The following TYW1B variants were observed in gnomAD, a reference collection of about 807,000 sequenced individuals.
The protein encoded by TYW1B is S-adenosyl-L-methionine-dependent tRNA 4-demethylwyosine synthase TYW1B.
In TYW1B, 73 loss-of-function variants were observed where a neutral mutation model predicts 86.9. That is an observed-to-expected ratio of 0.84 (90% CI 0.70 to 1.02). TYW1B has a LOEUF of 1.02. Ranked by LOEUF, TYW1B falls within the 50% of genes least tolerant of loss-of-function variation. TYW1B has a pLI of 0.00. For synonymous variants in TYW1B, 248 were observed against 292.8 expected, an observed-to-expected ratio of 0.85 and a Z score of 1.56; for missense variants, 637 against 827.4, an observed-to-expected ratio of 0.77 and a Z score of 2.82.
At chr7:72,752,157 A>G (rs782613355) in intron 7 of TYW1B, among the ~76,000 whole-genome samples, 1 of 152,134 alleles carries the variant, frequency 6.6e-6, no homozygotes, top group Non-Finnish European at 1.5e-5. Flanking sequence ...AGCCAACATC[A>G]TAACTCTTGG....
At chr7:72,818,979 C>A (rs1243289333) in intron 2 of TYW1B, among the ~76,000 whole-genome samples, 1 of 152,114 alleles carries the variant, frequency 6.6e-6, no homozygotes, top group Non-Finnish European at 1.5e-5. Context: ...GGACACAGAT[C>A]CAAACCATAT....
chr7:72,792,736 T>C (rs1289658438), intron 6 of TYW1B, among the ~76,000 whole-genome samples: 2 of 152,142 alleles, frequency 1.3e-5, no homozygotes, highest in African/African-American at 2.4e-5. Flanking sequence ...GCCAAATAAA[T>C]TGTGGGACAT....
At chr7:72,751,060 C>CA (rs1304435465) in intron 7 of TYW1B, among the ~76,000 whole-genome samples, 2 of 146,630 alleles carry the variant, frequency 1.4e-5, no homozygotes, top group East Asian at 2.0e-4. Context: ...TTTTTTGAAA[C>CA]AGAGTCTAGC....
At chr7:72,825,005 AG>A (rs1159978894) in intron 2 of TYW1B, among the ~76,000 whole-genome samples, 1 of 148,936 alleles carries the variant, frequency 6.7e-6, no homozygotes, top group Non-Finnish European at 1.5e-5. Context: ...CAGGAGGCTG[AG>A]GTGGGAGGAT....
chr7:72,749,528 G>A (rs1787459258), intron 7 of TYW1B, among the ~76,000 whole-genome samples: 1 of 152,198 alleles, frequency 6.6e-6, no homozygotes, highest in South Asian at 2.1e-4. Flanking sequence ...TCCCAACCTC[G>A]TGATCTGCCC....
At chr7:72,652,912 C>T (rs1442397740) in intron 11 of TYW1B, among the ~76,000 whole-genome samples, 4 of 151,966 alleles carry the variant, frequency 2.6e-5, no homozygotes, top group East Asian at 3.9e-4. Context: ...GTAAATGATC[C>T]GAAATATGTG....
Position 72,616,671 on chromosome 7 carries a change from C to T in TYW1B, c.1785+1G>A. On this transcript the variant is annotated splice_donor_variant, in intron 13 of 13. Transcript: ENST00000620995. LOFTEE classifies it high-confidence loss of function. ...AGATTCCATGTTTGAGTTATTCTTA[C>T]CTTTCTGTGTGCTATCAGGAGGCAA... The T allele has an allele frequency of 6.2e-7, 1 of 1,614,062 alleles. No homozygotes were observed. The highest frequency in any genetic ancestry group is 2.2e-5 in the East Asian group (1 of 44,888).
chr7:72,706,258 T>C (rs1814610803), intron 10 of TYW1B, among the ~76,000 whole-genome samples: 1 of 151,702 alleles, frequency 6.6e-6, no homozygotes, highest in Non-Finnish European at 1.5e-5. Flanking sequence ...GAGAAACCCG[T>C]CTCTACTAAA....
chr7:72,717,488 A>G (rs1432207477), intron 9 of TYW1B, among the ~76,000 whole-genome samples: 1 of 152,130 alleles, frequency 6.6e-6, no homozygotes, highest in Non-Finnish European at 1.5e-5. Flanking sequence ...TGATCTGTCC[A>G]AAATAAAGCC....
chr7:72,708,786 G>C (rs1302487407), intron 10 of TYW1B, among the ~76,000 whole-genome samples: 1 of 152,142 alleles, frequency 6.6e-6, no homozygotes, highest in Non-Finnish European at 1.5e-5. Flanking sequence ...TTAATTCGGA[G>C]AGGCCTCAAG....
intron 13 of TYW1B, among the ~76,000 whole-genome samples, chr7:72,588,321 C>T (rs1811322251): frequency 6.6e-6 from 1 of 152,218 alleles, no homozygotes; most frequent in Admixed American, 6.5e-5. Context: ...ATCAGCGTTA[C>T]CAAAATGCCA....
intron 11 of TYW1B, among the ~76,000 whole-genome samples, chr7:72,657,337 G>A (rs1186555079): frequency 5.3e-5 from 8 of 152,144 alleles, no homozygotes; most frequent in Admixed American, 4.6e-4. Flanking sequence ...GAAAGCCTAT[G>A]TGACATGCAG....
intron 12 of TYW1B, among the ~76,000 whole-genome samples, chr7:72,620,253 T>G (rs1554437719): frequency 1.3e-5 from 2 of 151,882 alleles, no homozygotes; most frequent in Non-Finnish European, 2.9e-5. Flanking sequence ...AAAAATTGGC[T>G]GGGCGTGGTG....
At chr7:72,678,462 G>C (rs1431485506) in intron 11 of TYW1B, among the ~76,000 whole-genome samples, 5 of 152,134 alleles carry the variant, frequency 3.3e-5, no homozygotes, top group Non-Finnish European at 7.3e-5. Flanking sequence ...ATGGAGAAAT[G>C]GGCAAGGTAT....
chr7:72,777,118 T>C (rs1279133201), intron 7 of TYW1B, among the ~76,000 whole-genome samples: 1 of 151,944 alleles, frequency 6.6e-6, no homozygotes, highest in Non-Finnish European at 1.5e-5. Context: ...ATTAACCCAG[T>C]CTCATATCAT....
In TYW1B at chr7:72,646,221, A is replaced by AT. The variant is rs1263504692; in HGVS notation, c.1507-17225dup. Among the ~76,000 whole-genome samples the AT allele has an allele frequency of 3.3e-5, 5 of 151,562 alleles. No homozygotes were observed. In the East Asian group the frequency reaches 7.8e-4, roughly 24 times the overall value. On this transcript the variant is annotated intron_variant, in intron 11 of 13. Transcript: ENST00000620995. ...AGGTGCACACCACCATGTCCAGCTT[A>AT]TTTTTTTATTTTTAATTTTTTTGTA...
intron 7 of TYW1B, among the ~76,000 whole-genome samples, chr7:72,760,979 A>G (rs1363510057): frequency 1.3e-5 from 2 of 152,224 alleles, no homozygotes; most frequent in Non-Finnish European, 1.5e-5. Flanking sequence ...GGCTATAAAA[A>G]TGATTAATAG....
chr7:72,767,749 T>C (rs1787796675), intron 7 of TYW1B, among the ~76,000 whole-genome samples: 1 of 152,218 alleles, frequency 6.6e-6, no homozygotes. Context: ...CATATTCACA[T>C]TGCAGTGCTC....
chr7:72,757,858 C>T (rs1787618953), intron 7 of TYW1B, among the ~76,000 whole-genome samples: 1 of 152,204 alleles, frequency 6.6e-6, no homozygotes, highest in Non-Finnish European at 1.5e-5. Flanking sequence ...AACAGCATCA[C>T]CCTTGTTATT....
Sources: allele counts gnomAD v4.1 joint callset (sites outside exome capture counted in the v4.1 genomes callset), GRCh38; gene constraint gnomAD v4.1.1; transcripts MANE v1.5; gene names NCBI Gene and HGNC (gene_info 2026-07-23, HGNC 2026-07-21).